Variants in TAF1 observed in about 807,000 individuals in gnomAD.
TAF1 encodes TATA-box binding protein associated factor 1.
A neutral mutation model predicts 138.5 loss-of-function variants in TAF1; 2 were observed. The ratio of observed to expected loss-of-function variants is 0.01; its 90% CI spans 0.01 to 0.05. The LOEUF is 0.05. Ranked by LOEUF, TAF1 falls within the 10% of genes least tolerant of loss-of-function variation. TAF1 has a pLI of 1.00. For missense variants in TAF1, 709 were observed against 1,478.0 expected (o/e 0.48, Z 8.53); for synonymous variants, 437 against 503.2 (o/e 0.87, Z 1.76).
At chrX:71,389,753 A>G (rs1379489800) in intron 18 of TAF1, 88 bp downstream of exon 18, 3 of 730,791 alleles carry the variant, frequency 4.1e-6, no homozygotes, top group East Asian at 3.4e-5. Context: ...AACATAAAAT[A>G]AACTGTACAC....
intron 13 of TAF1, among the ~76,000 whole-genome samples, chrX:71,495,779 C>T (rs755988089): frequency 1.7e-4 from 19 of 111,469 alleles, no homozygotes; most frequent in Non-Finnish European, 3.6e-4. Context: ...CATTTCTAAC[C>T]CTATAAGTAG....
Position 71,394,067 on chromosome X carries a change from G to A in TAF1, c.3228G>A (p.Lys1076=). 1 of 1,196,158 alleles carries A rather than the reference G, an allele frequency of 8.4e-7. No homozygotes were observed. The highest frequency in any genetic ancestry group is 1.1e-6 in the Non-Finnish European group (1 of 889,330). ...ECQRIFDLQN[K]VLSSTEVLST... is the part of the protein sequence containing the mutation. The stretch of plus-strand genomic sequence containing the variant: ...TGCACATTGCTTTTTCTCTTTTTAG[G>A]GTTCTGTCATCAACTGAAGTCTTAT... Residue 1076 remains lysine, a splice_region_variant and synonymous_variant, in exon 22 of 38, where the codon AAG becomes AAA. Coordinates refer to ENST00000423759, the MANE Select transcript of TAF1 (RefSeq NM_004606.5).
intron 16 of TAF1, 73 bp downstream of exon 16, chrX:71,388,451 T>C: frequency 8.8e-7 from 1 of 1,140,726 alleles, no homozygotes; most frequent in South Asian, 2.1e-5. Flanking sequence ...AGTTAAAGGA[T>C]AAGCATATAG....
intron 32 of TAF1, among the ~76,000 whole-genome samples, chrX:71,434,664 C>T (rs1400440071): frequency 4.5e-5 from 5 of 111,949 alleles, no homozygotes; most frequent in Non-Finnish European, 9.4e-5. Flanking sequence ...GTGGACTGTA[C>T]GCTAATTATA....
chrX:71,478,915 G>A lies in TAF1; in HGVS notation c.1366+18112G>A, dbSNP rs766479516. Among the ~76,000 whole-genome samples the A allele has an allele frequency of 9.8e-5, 11 of 112,205 alleles. No homozygotes were observed. In the South Asian group the frequency reaches 2.2e-3, roughly 22 times the overall value. On this transcript the variant is annotated intron_variant and NMD_transcript_variant, in intron 13 of 14. Transcript: ENST00000373775. ...CTCCCAAAGTGCTGGGATTACAGGC[G>A]TGAGCCACTGCACCTAGCTGACTTA...
intron 32 of TAF1, among the ~76,000 whole-genome samples, chrX:71,441,304 T>A (rs997947519): frequency 2.0e-4 from 22 of 110,818 alleles, no homozygotes; most frequent in African/African-American, 7.2e-4. Flanking sequence ...CATATCATAG[T>A]TATTTTAGAT....
At chrX:71,431,696 C>T (rs774183399) in intron 32 of TAF1, among the ~76,000 whole-genome samples, 1 of 110,529 alleles carries the variant, frequency 9.0e-6, no homozygotes, top group East Asian at 2.9e-4. Flanking sequence ...GCTGGTGGAT[C>T]ATGAGGTCAA....
intron 32 of TAF1, among the ~76,000 whole-genome samples, chrX:71,431,307 C>T (rs1394865111): frequency 9.1e-6 from 1 of 109,744 alleles, no homozygotes; most frequent in Non-Finnish European, 1.9e-5. Flanking sequence ...AAATGCTCCA[C>T]CTCCCTCGGC....
At position 71,454,200 on chromosome X, in the gene TAF1, A is replaced by G; in HGVS notation, c.4784A>G (p.Gln1595Arg). The G allele has an allele frequency of 8.3e-7, 1 of 1,211,209 alleles. No homozygotes were observed. Among genetic ancestry groups the G allele is most frequent in the Non-Finnish European group, 1.1e-6 (1 of 894,985 alleles). ...GPESQYTKTA[Q>R]EIVNVCYQTL... ...GAGAGTCAGTATACTAAGACTGCCC[A>G]GGAGATTGTGAACGTCTGTTACCAG... The change falls in exon 33 of 38, where the codon CAG becomes CGG. Residue 1595 changes from glutamine (Q) to arginine (R), a missense_variant. Coordinates refer to ENST00000423759, the MANE Select transcript of TAF1 (RefSeq NM_004606.5).
At chrX:71,435,672 TAGG>T (rs1367204324) in intron 32 of TAF1, among the ~76,000 whole-genome samples, 1 of 111,883 alleles carries the variant, frequency 8.9e-6, no homozygotes, top group East Asian at 2.8e-4. Context: ...CTGGTTATAG[TAGG>T]AGGACTAATC....
At chrX:71,459,121 A>G (rs907226083) in intron 35 of TAF1, 25 of 1,015,961 alleles carry the variant, frequency 2.5e-5, no homozygotes, top group Middle Eastern at 2.9e-4. Context: ...ACGTCCCTCA[A>G]TGATGTGCTA....
intron 13 of TAF1, among the ~76,000 whole-genome samples, chrX:71,515,304 C>T (rs1363252691): frequency 9.0e-6 from 1 of 111,305 alleles, no homozygotes; most frequent in Non-Finnish European, 1.9e-5. Context: ...GTAGGTTTTT[C>T]CGTTCAGTTT....
At chrX:71,375,609 G>C (rs2033414529) in intron 4 of TAF1, among the ~76,000 whole-genome samples, 1 of 111,007 alleles carries the variant, frequency 9.0e-6, no homozygotes, top group South Asian at 3.7e-4. Context: ...GAAGATCTTG[G>C]GTAGAGTCCA....
chrX:71,470,037 G>A (rs1011366764), downstream of TAF1, among the ~76,000 whole-genome samples: 3 of 111,408 alleles, frequency 2.7e-5, no homozygotes, highest in South Asian at 3.7e-4. Flanking sequence ...AAAGTGTTAC[G>A]TGCAACTATG....
intron 28 of TAF1, among the ~76,000 whole-genome samples, chrX:71,411,016 C>A (rs755266850): frequency 9.1e-6 from 1 of 109,937 alleles, no homozygotes; most frequent in Non-Finnish European, 1.9e-5. Context: ...CTCCTGACTT[C>A]AGGTGATCTG....
chrX:71,423,501 A>G (rs1376355795), intron 30 of TAF1, among the ~76,000 whole-genome samples: 2 of 111,229 alleles, frequency 1.8e-5, no homozygotes. Flanking sequence ...CATTCAGTAT[A>G]TGAATGCTCC....
At chrX:71,393,224 TTGTGTGTGTGTGTGTGTGTGTG>T in intron 20 of TAF1, 55 bp from the exon 21 acceptor site, 3 of 959,669 alleles carry the variant, frequency 3.1e-6, no homozygotes, top group Admixed American at 3.9e-5. Flanking sequence ...CCTGAATGAT[TTGTGTGTGTGTGTGTGTGTGTG>T]TGTGTGTGTG....
chrX:71,447,832 G>A (rs2037768638), intron 32 of TAF1, among the ~76,000 whole-genome samples: 1 of 111,025 alleles, frequency 9.0e-6, no homozygotes, highest in South Asian at 3.8e-4. Context: ...TTTTCTTGGT[G>A]GAATATCAAC....
intron 13 of TAF1, among the ~76,000 whole-genome samples, chrX:71,487,254 T>C (rs1349424373): frequency 3.7e-5 from 4 of 109,133 alleles, no homozygotes; most frequent in African/African-American, 1.3e-4. Context: ...TATTATGCCT[T>C]CAAGTTCACT....
Sources: gnomAD v4.1 joint callset for allele counts (sites outside exome capture counted in the v4.1 genomes callset) on GRCh38, gnomAD v4.1.1 for gene constraint, MANE v1.5 for transcripts, NCBI Gene and HGNC (gene_info 2026-07-23, HGNC 2026-07-21) for gene names.